CCDC175: variants seen among roughly 807,000 people sequenced by gnomAD.
CCDC175 encodes coiled-coil domain containing 175.
CCDC175 carries 100 observed loss-of-function variants against 114.6 expected under a neutral mutation model. The ratio of observed to expected loss-of-function variants is 0.87; its 90% CI spans 0.74 to 1.03. The LOEUF (loss-of-function observed/expected upper bound fraction) is 1.03, where lower values mean the gene tolerates loss of function less well. Ranked by LOEUF, CCDC175 falls within the 50% of genes least tolerant of loss-of-function variation. The pLI is 0.00. For missense variants in CCDC175, 880 were observed against 917.8 expected, an observed-to-expected ratio of 0.96 and a Z score of 0.53; for synonymous variants, 306 against 308.7, an observed-to-expected ratio of 0.99 and a Z score of 0.09.
Position 59,510,713 on chromosome 14 carries a change from T to C in CCDC175, c.2238A>G (p.Thr746=), listed in dbSNP as rs775020943. Residue 746 remains threonine, a synonymous_variant, in exon 19 of 20, where the codon ACA becomes ACG. Transcript: ENST00000537690. Reference sequence around the variant, plus strand: ...GCCCTTCAAGACTCCCTCGTAGCCATGTACTGACATGCTGCATTTTTTCAT... The same window carrying C: ...GCCCTTCAAGACTCCCTCGTAGCCACGTACTGACATGCTGCATTTTTTCAT... The part of the protein sequence containing the change: ...ERDEKMQHVS[T]WLRGSLEGLR... The C allele has an allele frequency of 5.9e-6, 9 of 1,537,310 alleles. No individual in the cohort carries two copies. The highest frequency in any genetic ancestry group is 4.8e-5 in the South Asian group (4 of 84,060).
chr14:59,551,974 A>C (rs1293662680), intron 7 of CCDC175, among the ~76,000 whole-genome samples: 4 of 152,244 alleles, frequency 2.6e-5, no homozygotes, highest in African/African-American at 9.6e-5. Flanking sequence ...GGCCTGGAAG[A>C]TGGAACAGGG....
intron 7 of CCDC175, among the ~76,000 whole-genome samples, chr14:59,553,300 G>A (rs1178819908): frequency 6.6e-6 from 1 of 152,184 alleles, no homozygotes; most frequent in Non-Finnish European, 1.5e-5. Flanking sequence ...AGAGAGTGGG[G>A]ACCAATATTC....
At position 59,543,755 on chromosome 14, in the gene CCDC175, A is replaced by G. The variant is rs1258667304; in HGVS notation, c.1173-301T>C. Among the ~76,000 whole-genome samples the G allele has an allele frequency of 3.3e-5, 5 of 152,270 alleles. No individual in the cohort carries two copies. In the East Asian group the frequency reaches 9.7e-4, roughly 29 times the overall value. On this transcript the variant is annotated intron_variant, in intron 9 of 19. Coordinates refer to ENST00000537690, the MANE Select transcript of CCDC175 (RefSeq NM_001164399.2). ...GCGATTGGTCCATGTTGGCCTCCCA[A>G]AGTGCTGGATTACAGGCGTGAGCCA...
chr14:59,517,339 G>GA (rs1468640337), intron 17 of CCDC175, among the ~76,000 whole-genome samples: 1 of 152,170 alleles, frequency 6.6e-6, no homozygotes, highest in Non-Finnish European at 1.5e-5. Context: ...GCAGGAGAAG[G>GA]AAATAAAGGG....
At chr14:59,568,458 C>G (rs1440777675) in intron 3 of CCDC175, 78 bp from the exon 4 acceptor site, 1 of 1,154,676 alleles carries the variant, frequency 8.7e-7, no homozygotes, top group Non-Finnish European at 1.2e-6. Flanking sequence ...CGCAAAAAAG[C>G]TTTCTTTGAA....
chr14:59,519,655 T>C (rs1893311360), intron 17 of CCDC175, among the ~76,000 whole-genome samples: 1 of 152,250 alleles, frequency 6.6e-6, no homozygotes, highest in Non-Finnish European at 1.5e-5. Context: ...GATTGTATTT[T>C]CCAAAGATAT....
At chr14:59,550,261 T>C (rs1270725453) in intron 8 of CCDC175, among the ~76,000 whole-genome samples, 1 of 152,174 alleles carries the variant, frequency 6.6e-6, no homozygotes, top group Non-Finnish European at 1.5e-5. Context: ...TGAGCAATAC[T>C]GATACTTATT....
chr14:59,560,599 G>A (rs1896176329), intron 7 of CCDC175, among the ~76,000 whole-genome samples: 1 of 152,172 alleles, frequency 6.6e-6, no homozygotes, highest in African/African-American at 2.4e-5. Context: ...AAAGAGAGGA[G>A]TAAAACACTT....
intron 17 of CCDC175, among the ~76,000 whole-genome samples, chr14:59,513,096 A>G (rs908491927): frequency 3.3e-5 from 5 of 152,238 alleles, no homozygotes; most frequent in Non-Finnish European, 7.3e-5. Flanking sequence ...CTTTTCAAAA[A>G]TAGTACTGGA....
At chr14:59,570,542 T>C (rs544340974) in intron 3 of CCDC175, among the ~76,000 whole-genome samples, 1 of 152,082 alleles carries the variant, frequency 6.6e-6, no homozygotes, top group African/African-American at 2.4e-5. Flanking sequence ...CTGAGGAACA[T>C]CTCTTTGGAG....
At chr14:59,540,650 T>C in intron 11 of CCDC175, 25 bp downstream of exon 11, 1 of 753,664 alleles carries the variant, frequency 1.3e-6, no homozygotes, top group Non-Finnish European at 1.8e-6. Context: ...CAAATAAACT[T>C]TTTTTTTTTT....
In CCDC175 at chr14:59,572,779, T is replaced by G; in HGVS notation, c.278A>C (p.Glu93Ala). Residue 93 changes from glutamate (E) to alanine (A), a missense_variant, in exon 3 of 20, where the codon GAG becomes GCG. Physicochemically the swap from Glu to Ala is moderately radical, Grantham distance 107. Transcript: ENST00000537690. ...EMRKATIDLL[E>A]IESMELNKLY... ...TTTGTTGAGTTCCATGCTTTCAATC[T>G]CCAAAAGATCGATTGTGGCTTTTCT... 6 of 1,515,904 alleles carry G rather than the reference T, an allele frequency of 4.0e-6. No homozygotes were observed. The highest frequency in any genetic ancestry group is 5.3e-6 in the Non-Finnish European group (6 of 1,141,616). The allele number at this position is 1,515,904 out of a possible 1,614,324, so 93.9% of individuals were successfully genotyped here.
At chr14:59,554,378 T>C (rs1895733526) in intron 7 of CCDC175, among the ~76,000 whole-genome samples, 1 of 152,042 alleles carries the variant, frequency 6.6e-6, no homozygotes, top group Non-Finnish European at 1.5e-5. Flanking sequence ...GGGTACACAA[T>C]GAAATGAAGG....
intron 7 of CCDC175, among the ~76,000 whole-genome samples, chr14:59,559,982 T>C (rs1260245974): frequency 6.6e-6 from 1 of 152,110 alleles, no homozygotes; most frequent in Non-Finnish European, 1.5e-5. Context: ...CTAGAAATAA[T>C]TTGAGGTAAT....
intron 17 of CCDC175, among the ~76,000 whole-genome samples, chr14:59,514,670 A>C (rs1892962432): frequency 6.6e-6 from 1 of 152,198 alleles, no homozygotes; most frequent in Admixed American, 6.5e-5. Flanking sequence ...AGTATGTGAA[A>C]AGACCAAATC....
chr14:59,512,251 G>A (rs1158387531), intron 17 of CCDC175, among the ~76,000 whole-genome samples: 1 of 152,252 alleles, frequency 6.6e-6, no homozygotes, highest in Non-Finnish European at 1.5e-5. Context: ...TTAAAAGTCA[G>A]ACTCAATCAG....
At chr14:59,533,451 C>T (rs748508403) in intron 13 of CCDC175, among the ~76,000 whole-genome samples, 4 of 152,082 alleles carry the variant, frequency 2.6e-5, no homozygotes, top group Admixed American at 2.0e-4. Context: ...GGTTGTTAAC[C>T]CTTTTCACAT....
intron 19 of CCDC175, among the ~76,000 whole-genome samples, chr14:59,509,782 T>A (rs1373903836): frequency 6.6e-6 from 1 of 152,190 alleles, no homozygotes; most frequent in Non-Finnish European, 1.5e-5. Context: ...AGTGCTGGGA[T>A]TATAACCATG....
intron 16 of CCDC175, among the ~76,000 whole-genome samples, chr14:59,522,248 TG>T (rs2139983952): frequency 6.6e-6 from 1 of 152,350 alleles, no homozygotes; most frequent in Non-Finnish European, 1.5e-5. Flanking sequence ...ATATGGGCTT[TG>T]GGACATAAAA....
Sources: gnomAD v4.1 joint callset for allele counts (sites outside exome capture counted in the v4.1 genomes callset) on GRCh38, gnomAD v4.1.1 for gene constraint, MANE v1.5 for transcripts, NCBI Gene and HGNC (gene_info 2026-07-23, HGNC 2026-07-21) for gene names.